RAB11FIP4: variants seen among roughly 807,000 people sequenced by gnomAD.
RAB11FIP4 encodes RAB11 family interacting protein 4, also known as rab11 family-interacting protein 4.
A neutral mutation model predicts 74.3 loss-of-function variants in RAB11FIP4; 23 were observed. The ratio of observed to expected loss-of-function variants is 0.31; its 90% CI spans 0.22 to 0.44. RAB11FIP4 has a LOEUF of 0.44. Among genes scored for constraint, RAB11FIP4 ranks in the 20% least tolerant of loss-of-function variants. The pLI is 1.00. For synonymous variants in RAB11FIP4, 360 were observed against 359.9 expected, an observed-to-expected ratio of 1.00 and a Z score of 0.00; for missense variants, 630 against 863.9, an observed-to-expected ratio of 0.73 and a Z score of 3.39.
At chr17:31,468,762 G>A (rs1198694956) in intron 3 of RAB11FIP4, among the ~76,000 whole-genome samples, 3 of 151,978 alleles carry the variant, frequency 2.0e-5, no homozygotes, top group Non-Finnish European at 4.4e-5. Flanking sequence ...CCCAGGAGGC[G>A]GAGGTTGCAG....
At chr17:31,510,444 G>A (rs1162780871) in intron 3 of RAB11FIP4, among the ~76,000 whole-genome samples, 2 of 152,240 alleles carry the variant, frequency 1.3e-5, no homozygotes, top group South Asian at 2.1e-4. Context: ...GCATGTGCCC[G>A]CCCAAGCTAT....
chr17:31,439,375 G>A (rs1047702634), intron 3 of RAB11FIP4, among the ~76,000 whole-genome samples: 2 of 152,186 alleles, frequency 1.3e-5, no homozygotes, highest in African/African-American at 4.8e-5. Flanking sequence ...CGCCAACCCC[G>A]GAAGCCATCC....
rs1300122798 is a variant in RAB11FIP4 at position 31,537,541 on chromosome 17, G to T, written c.*5809G>T. 2 of 223,518 alleles carry T rather than the reference G, an allele frequency of 8.9e-6. No individual in the cohort carries two copies. The highest frequency in any genetic ancestry group is 5.8e-5 in the Admixed American group (1 of 17,340). 13.8% of individuals were successfully genotyped at this position (223,518 alleles called of 1,614,324 possible). ...GCAAAGCATCACTCTTTAACCTGGGGCATTGGCCCCAGCAGGGATATCATG... is the reference window on the plus strand; with the variant it reads ...GCAAAGCATCACTCTTTAACCTGGGTCATTGGCCCCAGCAGGGATATCATG... On this transcript the variant is annotated 3_prime_UTR_variant, in exon 15 of 15. Transcript: ENST00000621161.
At chr17:31,479,523 A>G (rs1044232109) in intron 3 of RAB11FIP4, among the ~76,000 whole-genome samples, 1 of 152,214 alleles carries the variant, frequency 6.6e-6, no homozygotes, top group Non-Finnish European at 1.5e-5. Flanking sequence ...CCCTGTCCTC[A>G]GGAATTGCAG....
intron 1 of RAB11FIP4, among the ~76,000 whole-genome samples, chr17:31,398,103 G>A (rs904817546): frequency 5.9e-5 from 9 of 151,930 alleles, no homozygotes; most frequent in Non-Finnish European, 7.4e-5. Flanking sequence ...AGGCTGGAGT[G>A]CAGTGGCTCG....
chr17:31,459,113 G>A (rs999862966), intron 3 of RAB11FIP4, among the ~76,000 whole-genome samples: 1 of 152,054 alleles, frequency 6.6e-6, no homozygotes, highest in Non-Finnish European at 1.5e-5. Context: ...CTGACTTTCT[G>A]CCTCTAGTCT....
chr17:31,516,008 A>G (rs1178482654), intron 3 of RAB11FIP4, among the ~76,000 whole-genome samples: 2 of 152,212 alleles, frequency 1.3e-5, no homozygotes, highest in Non-Finnish European at 2.9e-5. Flanking sequence ...CAGGGCCCAG[A>G]CAGGCAGTTG....
intron 3 of RAB11FIP4, among the ~76,000 whole-genome samples, chr17:31,438,973 C>T (rs924348688): frequency 3.9e-5 from 6 of 152,066 alleles, no homozygotes; most frequent in East Asian, 1.9e-4. Context: ...ACTTAGGTAC[C>T]GCCTCCTCCA....
At chr17:31,499,691 C>T (rs1455870069) in intron 3 of RAB11FIP4, among the ~76,000 whole-genome samples, 3 of 152,156 alleles carry the variant, frequency 2.0e-5, no homozygotes, top group African/African-American at 7.2e-5. Context: ...ATGATAATTA[C>T]TTGCAGGGAG....
Position 31,525,243 on chromosome 17 carries a change from A to T in RAB11FIP4, c.1274+13A>T, listed in dbSNP as rs1374414332. On this transcript the variant is annotated intron_variant, in intron 10 of 14. Coordinates refer to ENST00000621161, the MANE Select transcript of RAB11FIP4 (RefSeq NM_032932.6). ...TGCTCAATGCCAGGTGGGCCCCTCC[A>T]CCGAGCCCCCTCCCTCAGAGGGACC... 6.5e-7 allele frequency: 1 copy of T among 1,539,202 alleles called. No individual in the cohort carries two copies. The highest frequency in any genetic ancestry group is 1.4e-5 in the African/African-American group (1 of 72,876).
chr17:31,522,659 C>G, intron 7 of RAB11FIP4: 2 of 538,966 alleles, frequency 3.7e-6, no homozygotes, highest in South Asian at 4.9e-5. Context: ...GCCAGGGATG[C>G]CCTGAGAGAG....
At chr17:31,471,497 C>A (rs999045845) in intron 3 of RAB11FIP4, among the ~76,000 whole-genome samples, 2 of 152,182 alleles carry the variant, frequency 1.3e-5, no homozygotes, top group East Asian at 3.9e-4. Flanking sequence ...CAGCCAAGCC[C>A]CCAACAACCT....
chr17:31,445,562 ATATATATATATATATATTTTTT>A lies in RAB11FIP4; in HGVS notation c.336+11442_336+11463del, dbSNP rs1324416967. Among the ~76,000 whole-genome samples the A allele has an allele frequency of 7.1e-3, 123 of 17,414 alleles. 4 individuals carry two copies. Among genetic ancestry groups the A allele is most frequent in the East Asian group, 0.03 (30 of 988 alleles). The allele number at this position is 17,414 out of a possible 152,430, so 11.4% of individuals were successfully genotyped here. ...TATATATATATATATATATATATAT[ATATATATATATATATATTTTTT>A]TTTTTTTTTTTTTTTTTTTGACACG... is the stretch of plus-strand genomic sequence containing the variant. On this transcript the variant is annotated intron_variant, in intron 3 of 14. Coordinates refer to ENST00000621161, the MANE Select transcript of RAB11FIP4 (RefSeq NM_032932.6).
chr17:31,441,813 C>T (rs911208610), intron 3 of RAB11FIP4, among the ~76,000 whole-genome samples: 1 of 152,134 alleles, frequency 6.6e-6, no homozygotes, highest in Non-Finnish European at 1.5e-5. Context: ...GAGGTGTGAG[C>T]CACCATGCCT....
chr17:31,476,172 CTTTTTTTTT>C (rs71369069), intron 3 of RAB11FIP4, among the ~76,000 whole-genome samples: 4 of 63,532 alleles, frequency 6.3e-5, no homozygotes, highest in Non-Finnish European at 1.1e-4. Context: ...ATCGACTGAA[CTTTTTTTTT>C]TTTTTTTTTT....
In RAB11FIP4 at chr17:31,398,712, G is replaced by A. The variant is rs114765135; in HGVS notation, c.159+6701G>A. Among the ~76,000 whole-genome samples, 256 of 152,332 alleles carry A rather than the reference G, an allele frequency of 1.7e-3. 2 individuals carry two copies. The highest frequency in any genetic ancestry group is 5.7e-3 in the African/African-American group (239 of 41,568). ...AGCGTGGCTTTCAGACCTGGCCCTG[G>A]CTCTGAGGCTTAGGAGCCTTCCCTA... On this transcript the variant is annotated intron_variant, in intron 1 of 14. Coordinates refer to ENST00000621161, the MANE Select transcript of RAB11FIP4 (RefSeq NM_032932.6).
At chr17:31,433,932 C>T in intron 2 of RAB11FIP4, 102 bp from the exon 3 acceptor site, 1 of 1,184,750 alleles carries the variant, frequency 8.4e-7, no homozygotes, top group African/African-American at 1.5e-5. Context: ...CGGGCCCCCA[C>T]CTCAGCCCTT....
chr17:31,435,100 C>G (rs1028741718), intron 3 of RAB11FIP4, among the ~76,000 whole-genome samples: 1 of 152,152 alleles, frequency 6.6e-6, no homozygotes, highest in Non-Finnish European at 1.5e-5. Flanking sequence ...GTGGGAGGAG[C>G]ACTTGAGCCC....
At chr17:31,396,010 C>G (rs2151612304) in intron 1 of RAB11FIP4, among the ~76,000 whole-genome samples, 1 of 151,836 alleles carries the variant, frequency 6.6e-6, no homozygotes, top group African/African-American at 2.4e-5. Context: ...GGTGAGACCC[C>G]CCATCTCTAC....
Sources: gnomAD v4.1 joint callset for allele counts (sites outside exome capture counted in the v4.1 genomes callset) on GRCh38, gnomAD v4.1.1 for gene constraint, MANE v1.5 for transcripts, NCBI Gene and HGNC (gene_info 2026-07-23, HGNC 2026-07-21) for gene names.